TAF5L: variants seen among roughly 807,000 people sequenced by gnomAD.
TAF5L encodes the protein TAF5-like RNA polymerase II p300/CBP-associated factor-associated factor 65 kDa subunit 5L.
A neutral mutation model predicts 51.3 loss-of-function variants in TAF5L; 7 were observed. That is an observed-to-expected ratio of 0.14 (90% confidence interval 0.08 to 0.26). The LOEUF (loss-of-function observed/expected upper bound fraction) is 0.26, where lower values mean the gene tolerates loss of function less well. Ranked by LOEUF, TAF5L falls within the 10% of genes least tolerant of loss-of-function variation. The pLI is 1.00. For missense variants in TAF5L, 575 were observed against 758.9 expected (o/e 0.76, Z 2.85); for synonymous variants, 291 against 308.1 (o/e 0.94, Z 0.58).
intron 1 of TAF5L, among the ~76,000 whole-genome samples, chr1:229,620,336 G>A (rs1665158571): frequency 6.6e-6 from 1 of 152,190 alleles, no homozygotes; most frequent in South Asian, 2.1e-4. Flanking sequence ...TAGGATTACA[G>A]GTGTATGCCA....
chr1:229,623,683 G>A (rs761906789), intron 1 of TAF5L, among the ~76,000 whole-genome samples: 2 of 152,186 alleles, frequency 1.3e-5, no homozygotes, highest in East Asian at 1.9e-4. Context: ...CATACTCGAC[G>A]CTAAGACACT....
intron 1 of TAF5L, among the ~76,000 whole-genome samples, chr1:229,618,418 T>C (rs1665083895): frequency 6.6e-6 from 1 of 152,218 alleles, no homozygotes; most frequent in Admixed American, 6.5e-5. Context: ...CTGGAGGATT[T>C]TGACACAATG....
At chr1:229,623,885 G>A (rs1665319231) in intron 1 of TAF5L, among the ~76,000 whole-genome samples, 1 of 152,134 alleles carries the variant, frequency 6.6e-6, no homozygotes, top group African/African-American at 2.4e-5. Flanking sequence ...CTGCTCAAAG[G>A]ATTCTACATG....
At chr1:229,617,540 C>T (rs915711564) in intron 1 of TAF5L, among the ~76,000 whole-genome samples, 3 of 152,186 alleles carry the variant, frequency 2.0e-5, no homozygotes, top group Non-Finnish European at 4.4e-5. Flanking sequence ...GATGCACATC[C>T]GTGAGCATTC....
At chr1:229,616,375 T>TTTATTTATTTATTATTA (rs1553271735) in intron 1 of TAF5L, among the ~76,000 whole-genome samples, 2,039 of 148,284 alleles carry the variant, frequency 0.014, 26 homozygotes, top group Admixed American at 0.034. Flanking sequence ...TTTATTTATA[T>TTTATTTATTTATTATTA]TTTTTTTTTT....
At chr1:229,617,786 GA>G (rs1665061763) in intron 1 of TAF5L, among the ~76,000 whole-genome samples, 1 of 152,172 alleles carries the variant, frequency 6.6e-6, no homozygotes, top group Admixed American at 6.5e-5. Flanking sequence ...AAGATTGCTA[GA>G]AACTAGTCTG....
At chr1:229,618,439 CTCATG>C (rs1459946585) in intron 1 of TAF5L, among the ~76,000 whole-genome samples, 1 of 151,936 alleles carries the variant, frequency 6.6e-6, no homozygotes, top group Non-Finnish European at 1.5e-5. Flanking sequence ...TATATCTATT[CTCATG>C]TATCAACAGT....
At chr1:229,597,021 T>A (rs910736969) in intron 4 of TAF5L, among the ~76,000 whole-genome samples, 2 of 152,200 alleles carry the variant, frequency 1.3e-5, no homozygotes, top group African/African-American at 4.8e-5. Context: ...AAAAATACAT[T>A]AAGTATTTGG....
intron 3 of TAF5L, among the ~76,000 whole-genome samples, chr1:229,603,762 G>A (rs1664478243): frequency 6.6e-6 from 1 of 152,192 alleles, no homozygotes; most frequent in East Asian, 1.9e-4. Flanking sequence ...GAATTCATGG[G>A]TGAATGAGAA....
chr1:229,620,015 C>G (rs1441765605), intron 1 of TAF5L, among the ~76,000 whole-genome samples: 2 of 152,072 alleles, frequency 1.3e-5, no homozygotes, highest in Admixed American at 1.3e-4. Context: ...CACTATCCAC[C>G]ATTAAAGCAA....
chr1:229,620,823 A>C (rs568737676), intron 1 of TAF5L, among the ~76,000 whole-genome samples: 2 of 152,306 alleles, frequency 1.3e-5, no homozygotes, highest in South Asian at 4.1e-4. Flanking sequence ...ATTTGCAAAC[A>C]CCACTGCAGA....
intron 2 of TAF5L, among the ~76,000 whole-genome samples, chr1:229,611,924 G>A (rs1664807428): frequency 6.6e-6 from 1 of 152,148 alleles, no homozygotes; most frequent in Non-Finnish European, 1.5e-5. Context: ...AAGGCCTTTT[G>A]GGGATCCTTC....
rs201333831 is a variant in TAF5L at position 229,602,850 on chromosome 1, T to C, written c.317A>G (p.Asn106Ser). 58 of 1,610,922 alleles carry C rather than the reference T, an allele frequency of 3.6e-5. 1 individual carries two copies. Among genetic ancestry groups the C allele is most frequent in the Non-Finnish European group, 4.2e-5 (49 of 1,179,988 alleles). The stretch of plus-strand genomic sequence containing the variant: ...GCTCTTCGGACTGTTTTGGACCAGG[T>C]TGAGATGGAGGTAGACAAAGAGAGG... The change falls in exon 4 of 5, where the codon AAC becomes AGC. Residue 106 changes from asparagine to serine, a missense_variant. By Grantham distance (46) the Asn-to-Ser change is conservative. Around this residue, in one of 3 missense-constraint regions of TAF5L, gnomAD observed 380 missense variants for 443.7 expected, o/e 0.86. Transcript: ENST00000258281. The surrounding 1 kb of genome is among the most constrained non-coding windows in gnomAD (Gnocchi z 4.6).
At chr1:229,618,228 T>A (rs187162733) in intron 1 of TAF5L, among the ~76,000 whole-genome samples, 173 of 152,350 alleles carry the variant, frequency 1.1e-3, no homozygotes, top group Non-Finnish European at 2.1e-3. Context: ...GCTTTTCCTA[T>A]AATTATAAAA....
chr1:229,610,871 C>T (rs1208909038), intron 2 of TAF5L, among the ~76,000 whole-genome samples: 1 of 152,102 alleles, frequency 6.6e-6, no homozygotes, highest in Non-Finnish European at 1.5e-5. Flanking sequence ...TTTTCATTCT[C>T]AACATTCTCT....
intron 4 of TAF5L, chr1:229,600,865 C>A: frequency 1.0e-6 from 1 of 984,666 alleles, no homozygotes; most frequent in Non-Finnish European, 1.2e-6. Flanking sequence ...TTTTAATGCA[C>A]AGAATAATCT....
At chr1:229,607,950 A>C (rs905161702) in intron 3 of TAF5L, 1 of 152,220 alleles carries the variant, frequency 6.6e-6, no homozygotes, top group African/African-American at 2.4e-5. Context: ...ATTACAGACA[A>C]AATAACAGAC....
At chr1:229,605,128 A>ATATATATATATATATATT (rs1340196774) in intron 3 of TAF5L, among the ~76,000 whole-genome samples, 18 of 145,160 alleles carry the variant, frequency 1.2e-4, no homozygotes, top group African/African-American at 4.4e-4. Flanking sequence ...ATATATATGT[A>ATATATATATATATATATT]TTTTTTTTTT....
intron 3 of TAF5L, 126 bp downstream of exon 3, chr1:229,609,980 C>CT: frequency 2.8e-6 from 2 of 720,474 alleles, no homozygotes; most frequent in South Asian, 2.0e-5. Context: ...CTGCATTACT[C>CT]TATTTTTTAA....
Sources: allele counts gnomAD v4.1 joint callset (sites outside exome capture counted in the v4.1 genomes callset), GRCh38; gene constraint gnomAD v4.1.1; regional missense constraint gnomAD v4.1.1; non-coding constraint Gnocchi (gnomAD v3.1); transcripts MANE v1.5; gene names NCBI Gene and HGNC (gene_info 2026-07-23, HGNC 2026-07-21).